Variants in DLC1 observed in about 807,000 individuals in gnomAD.
DLC1 encodes rho GTPase-activating protein 7.
Under a neutral mutation model 140.3 loss-of-function variants are expected in DLC1, and 54 were observed. The observed-to-expected ratio is 0.38, with a 90% CI of 0.31 to 0.48. The LOEUF is 0.48. Ranked by LOEUF, DLC1 falls within the 20% of genes least tolerant of loss-of-function variation. The pLI is 0.96. For synonymous variants in DLC1, 986 were observed against 728.1 expected, an observed-to-expected ratio of 1.35 and a Z score of -5.70; for missense variants, 2,536 against 1,907.0, an observed-to-expected ratio of 1.33 and a Z score of -6.14.
At chr8:13,561,656 AC>A (rs1393135012) in intron 1 of DLC1, among the ~76,000 whole-genome samples, 1 of 152,164 alleles carries the variant, frequency 6.6e-6, no homozygotes, top group Non-Finnish European at 1.5e-5. Flanking sequence ...CTGCTTATCT[AC>A]CTACCAGAGC....
At chr8:13,227,695 T>C (rs1396455017) in intron 5 of DLC1, among the ~76,000 whole-genome samples, 1 of 152,198 alleles carries the variant, frequency 6.6e-6, no homozygotes, top group African/African-American at 2.4e-5. Flanking sequence ...ACATACGTGT[T>C]GCAAGACATG....
intron 2 of DLC1, among the ~76,000 whole-genome samples, chr8:13,453,446 A>ATATGTG (rs1554523065): frequency 0.011 from 328 of 29,696 alleles, 6 homozygotes; most frequent in Non-Finnish European, 0.015. Context: ...ATGTATATAT[A>ATATGTG]TACATATATA....
chr8:13,167,696 T>G (rs1350873243), intron 5 of DLC1, among the ~76,000 whole-genome samples: 2 of 152,184 alleles, frequency 1.3e-5, no homozygotes, highest in Non-Finnish European at 2.9e-5. Context: ...TAATAACAAT[T>G]CTCATTGGAT....
intron 5 of DLC1, among the ~76,000 whole-genome samples, chr8:13,202,501 C>G (rs527638166): frequency 4.6e-5 from 7 of 152,180 alleles, no homozygotes; most frequent in African/African-American, 1.7e-4. Flanking sequence ...AGTAAAATTG[C>G]CGTCTTTCTA....
At chr8:13,237,534 ATTCTGAGG>A (rs1377245939) in intron 5 of DLC1, among the ~76,000 whole-genome samples, 1 of 151,860 alleles carries the variant, frequency 6.6e-6, no homozygotes, top group Non-Finnish European at 1.5e-5. Context: ...TTTATGGTGA[ATTCTGAGG>A]TTTTGGTGCA....
intron 1 of DLC1, among the ~76,000 whole-genome samples, chr8:13,539,113 C>T (rs1015900475): frequency 1.3e-5 from 2 of 152,156 alleles, no homozygotes; most frequent in South Asian, 4.1e-4. Flanking sequence ...TGGTCATAAT[C>T]ACTTTTTATC....
At chr8:13,349,923 C>G (rs1311576056) in intron 4 of DLC1, among the ~76,000 whole-genome samples, 1 of 152,138 alleles carries the variant, frequency 6.6e-6, no homozygotes, top group African/African-American at 2.4e-5. Context: ...TGCATATGGA[C>G]TCTCTCTTTT....
chr8:13,392,327 G>A (rs982849055), intron 4 of DLC1, among the ~76,000 whole-genome samples: 6 of 152,088 alleles, frequency 3.9e-5, no homozygotes, highest in Non-Finnish European at 7.4e-5. Flanking sequence ...CTAGTGCATG[G>A]CATATAGTAG....
In DLC1 at chr8:13,496,024, T is replaced by G. The variant is rs371312453; in HGVS notation, c.1023+3025A>C. On this transcript the variant is annotated intron_variant, in intron 2 of 17. Coordinates refer to ENST00000276297, the MANE Select transcript of DLC1 (RefSeq NM_182643.3). ...TGATATTAGCCTTAATTGATTTCACTTTTCCAAGTTCTTATCTTACGGGTA... is the reference window on the plus strand; with the variant it reads ...TGATATTAGCCTTAATTGATTTCACGTTTCCAAGTTCTTATCTTACGGGTA... Among the ~76,000 whole-genome samples, 3 of 152,252 alleles carry G rather than the reference T, an allele frequency of 2.0e-5. No homozygotes were observed. In the East Asian group the frequency reaches 5.8e-4, roughly 29 times the overall value.
In DLC1 at chr8:13,499,813, C is replaced by T. The variant is rs75294096; in HGVS notation, c.259G>A (p.Glu87Lys). ...PMGHLSKDVDENDSHEGEDQF... is the reference protein window; with the variant it reads ...PMGHLSKDVDKNDSHEGEDQF... ...TCTTCACCTTCATGGCTGTCATTTT[C>T]GTCCACATCCTTTGAAAGATGACCC... is the stretch of plus-strand genomic sequence containing the variant. Residue 87 changes from glutamate to lysine, a missense_variant, in exon 2 of 18, where the codon GAA becomes AAA. Transcript: ENST00000276297. The T allele has an allele frequency of 6.2e-6, 10 of 1,613,890 alleles. No individual in the cohort carries two copies. The highest frequency in any genetic ancestry group is 4.0e-5 in the African/African-American group (3 of 74,924).
chr8:13,425,118 G>T (rs1269211651), intron 2 of DLC1, among the ~76,000 whole-genome samples: 15 of 149,676 alleles, frequency 1.0e-4, no homozygotes. Context: ...AACACAATGT[G>T]CAGTAAAAAA....
chr8:13,194,619 C>T (rs1298931836), intron 5 of DLC1, among the ~76,000 whole-genome samples: 1 of 152,196 alleles, frequency 6.6e-6, no homozygotes, highest in Non-Finnish European at 1.5e-5. Context: ...ACAAGGACTC[C>T]ATTCTGGGGA....
chr8:13,157,842 G>A (rs1189320440), intron 5 of DLC1, among the ~76,000 whole-genome samples: 1 of 152,104 alleles, frequency 6.6e-6, no homozygotes, highest in African/African-American at 2.4e-5. Context: ...GGCAATTGAC[G>A]TTTTTTCCTC....
intron 5 of DLC1, among the ~76,000 whole-genome samples, chr8:13,227,536 A>C (rs1324834954): frequency 1.3e-5 from 2 of 152,180 alleles, no homozygotes; most frequent in Non-Finnish European, 2.9e-5. Context: ...TTCAAGATAT[A>C]GGCTATCTCC....
chr8:13,486,241 A>T (rs925073394), intron 2 of DLC1, among the ~76,000 whole-genome samples: 3 of 152,216 alleles, frequency 2.0e-5, no homozygotes, highest in Admixed American at 6.5e-5. Context: ...AGAAACGTAG[A>T]AAAAACAAAG....
chr8:13,315,797 A>T (rs530212426), intron 4 of DLC1, among the ~76,000 whole-genome samples: 1 of 152,274 alleles, frequency 6.6e-6, no homozygotes, highest in African/African-American at 2.4e-5. Flanking sequence ...GCCTGGGATA[A>T]TCTTGATTTC....
In DLC1 at chr8:13,083,474, C is replaced by T. The variant is rs1234640138; in HGVS notation, c.*2337G>A. 6.6e-6 allele frequency: 1 copy of T among 152,144 alleles called. No individual in the cohort carries two copies. The highest frequency in any genetic ancestry group is 2.4e-5 in the African/African-American group (1 of 41,434). The allele number at this position is 152,144 out of a possible 1,614,324, so 9.4% of individuals were successfully genotyped here. On this transcript the variant is annotated 3_prime_UTR_variant, in exon 18 of 18. Coordinates refer to ENST00000276297, the MANE Select transcript of DLC1 (RefSeq NM_182643.3). ...ACAAGCCCTGCCCTCAAAGAGCTTA[C>T]AATCTAGGCAATTAGTCACACAAAT...
intron 5 of DLC1, among the ~76,000 whole-genome samples, chr8:13,236,251 A>G (rs1829273766): frequency 6.6e-6 from 1 of 152,050 alleles, no homozygotes; most frequent in Non-Finnish European, 1.5e-5. Context: ...TCCAACATTT[A>G]CTGTTACATA....
rs759609636 is a variant in DLC1, at chr8:13,499,735, C to T, written c.337G>A (p.Glu113Lys). 3.7e-6 allele frequency: 6 copies of T among 1,614,022 alleles called. No homozygotes were observed. The highest frequency in any genetic ancestry group is 3.3e-4 in the Middle Eastern group (2 of 6,084). ...STETLVHVSDEDNNADLCLTD... is the reference protein window; with the variant it reads ...STETLVHVSDKDNNADLCLTD... ...AGGCATAAATCAGCATTGTTATCCT[C>T]ATCAGAAACATGCACTAGTGTTTCT... Residue 113 changes from glutamate to lysine, a missense_variant, in exon 2 of 18, where the codon GAG becomes AAG. Glu to Lys is a moderately conservative substitution (Grantham distance 56, BLOSUM62 1). Coordinates refer to ENST00000276297, the MANE Select transcript of DLC1 (RefSeq NM_182643.3).
Sources: allele counts gnomAD v4.1 joint callset (sites outside exome capture counted in the v4.1 genomes callset), GRCh38; gene constraint gnomAD v4.1.1; transcripts MANE v1.5; gene names NCBI Gene and HGNC (gene_info 2026-07-23, HGNC 2026-07-21).